Variants in SORT1 observed in about 807,000 individuals in gnomAD.
SORT1 encodes sortilin.
Under a neutral mutation model 101.7 loss-of-function variants are expected in SORT1, and 39 were observed. The observed-to-expected ratio is 0.38, with a 90% CI of 0.30 to 0.50. The LOEUF is 0.50. Among genes scored for constraint, SORT1 ranks in the 20% least tolerant of loss-of-function variants. The probability of loss-of-function intolerance (pLI) is 0.90; values close to 1 mark genes in which losing one functional copy is unlikely to be tolerated. For missense variants in SORT1, 878 were observed against 1,040.4 expected, an observed-to-expected ratio of 0.84 and a Z score of 2.15; for synonymous variants, 396 against 393.7, an observed-to-expected ratio of 1.01 and a Z score of -0.07.
At chr1:109,346,744 C>CAAA (rs1035471524) in intron 7 of SORT1, among the ~76,000 whole-genome samples, 2 of 46,730 alleles carry the variant, frequency 4.3e-5, no homozygotes, top group African/African-American at 7.2e-5. Context: ...GACTCCGTCT[C>CAAA]AAAAAAAAAA....
At chr1:109,396,305 C>T (rs1653172636) in intron 1 of SORT1, among the ~76,000 whole-genome samples, 1 of 152,068 alleles carries the variant, frequency 6.6e-6, no homozygotes, top group South Asian at 2.1e-4. Flanking sequence ...CCAGCTAGCT[C>T]AAGGAAGGAA....
In SORT1 at chr1:109,355,477, G is replaced by A. The variant is rs1366361788; in HGVS notation, c.441-8C>T. The A allele has an allele frequency of 6.2e-6, 9 of 1,457,766 alleles. No homozygotes were observed. In the African/African-American group the frequency reaches 8.4e-5, roughly 14 times the overall value. The allele number at this position is 1,457,766 out of a possible 1,614,324, so 90.3% of individuals were successfully genotyped here. On this transcript the variant is annotated splice_polypyrimidine_tract_variant and splice_region_variant and intron_variant, in intron 3 of 19. Coordinates refer to ENST00000256637, the MANE Select transcript of SORT1 (RefSeq NM_002959.7). ...TTCTTCCCATAATCCTCACTGAGAGGAAGAAAAAAAGGGCAAATTTAGGGT... is the reference window on the plus strand; with the variant it reads ...TTCTTCCCATAATCCTCACTGAGAGAAAGAAAAAAAGGGCAAATTTAGGGT...
chr1:109,355,653 C>T (rs534631739), intron 3 of SORT1, among the ~76,000 whole-genome samples, 184 bp from the exon 4 acceptor site: 1 of 139,150 alleles, frequency 7.2e-6, no homozygotes, highest in Non-Finnish European at 1.6e-5. Flanking sequence ...CCGCCCCCCC[C>T]CCCACAAACC....
At chr1:109,314,531 G>A (rs1369798741) in intron 18 of SORT1, 141 bp downstream of exon 18, 11 of 1,168,396 alleles carry the variant, frequency 9.4e-6, no homozygotes, top group South Asian at 6.1e-5. Context: ...AAAAATGTAC[G>A]ACATGAGAAG....
At chr1:109,372,169 A>G (rs1204742483) in intron 1 of SORT1, among the ~76,000 whole-genome samples, 3 of 152,256 alleles carry the variant, frequency 2.0e-5, no homozygotes, top group African/African-American at 7.2e-5. Flanking sequence ...AAGTCAGCAC[A>G]AAGCCATCAA....
At chr1:109,380,634 A>C (rs1318002606) in intron 1 of SORT1, among the ~76,000 whole-genome samples, 1 of 152,060 alleles carries the variant, frequency 6.6e-6, no homozygotes, top group African/African-American at 2.4e-5. Context: ...CAATTCATAG[A>C]AGGACAAAGA....
intron 11 of SORT1, among the ~76,000 whole-genome samples, chr1:109,332,949 G>A (rs568463954): frequency 1.3e-5 from 2 of 151,910 alleles, no homozygotes; most frequent in East Asian, 3.9e-4. Flanking sequence ...TTTTTTTTGA[G>A]ATGGAGTCTT....
In SORT1 at chr1:109,397,664, GACGCCA is replaced by G; in HGVS notation, c.223_228del (p.Trp75_Arg76del). 1 of 1,214,038 alleles carries G rather than the reference GACGCCA, an allele frequency of 8.2e-7. No homozygotes were observed. Among genetic ancestry groups the G allele is most frequent in the Non-Finnish European group, 1.0e-6 (1 of 972,986 alleles). 75.2% of individuals were successfully genotyped at this position (1,214,038 alleles called of 1,614,324 possible). ...TCCTCGTCCTCGCCCGGCGCGCTGC[GACGCCA>G]ACGGCCGCCGCGGGGAAACGCGCCC... is the stretch of plus-strand genomic sequence containing the variant. On this transcript the variant is annotated inframe_deletion, in exon 1 of 20. Transcript: ENST00000256637.
At chr1:109,332,836 G>C (rs1648550629) in intron 11 of SORT1, among the ~76,000 whole-genome samples, 1 of 152,146 alleles carries the variant, frequency 6.6e-6, no homozygotes, top group Non-Finnish European at 1.5e-5. Context: ...ACTTTGACAA[G>C]GGTGTCAAGA....
In SORT1 at chr1:109,314,376, A is replaced by C. The variant is rs1486130186; in HGVS notation, c.2366T>G (p.Val789Gly). ...CTGCTGCAGCACAGAGTATCGATGC[A>C]CCAGGAACCTGTGAACAGAAACCTC... ...KKYVCGGRFL[V>G]HRYSVLQQHA... is the part of the protein sequence containing the mutation. Residue 789 changes from valine (V) to glycine (G), a missense_variant, in exon 19 of 20, where the codon GTG (valine) becomes GGG (glycine). This residue lies in a region of SORT1 where 684 missense variants were observed against 894.5 expected (regional missense o/e 0.76). Transcript: ENST00000256637. 6.2e-7 allele frequency: 1 copy of C among 1,613,822 alleles called. No individual in the cohort carries two copies.
chr1:109,319,734 G>T (rs1281600468), intron 15 of SORT1, among the ~76,000 whole-genome samples: 1 of 152,082 alleles, frequency 6.6e-6, no homozygotes, highest in Non-Finnish European at 1.5e-5. Context: ...AGGTGCAGTG[G>T]TGTGTGCCTA....
chr1:109,340,672 C>T (rs1310906776), intron 10 of SORT1, 52 bp downstream of exon 10: 2 of 1,596,406 alleles, frequency 1.3e-6, no homozygotes, highest in African/African-American at 2.7e-5. Flanking sequence ...AGCCTCAAAT[C>T]CTACCACATG....
chr1:109,395,822 C>T (rs1267166593), intron 1 of SORT1, among the ~76,000 whole-genome samples: 3 of 152,162 alleles, frequency 2.0e-5, no homozygotes, highest in Admixed American at 2.0e-4. Flanking sequence ...CGCCTCTAAT[C>T]TCAGCACTGT....
At chr1:109,344,857 T>C (rs748560162) in intron 8 of SORT1, among the ~76,000 whole-genome samples, 1 of 151,976 alleles carries the variant, frequency 6.6e-6, no homozygotes, top group Non-Finnish European at 1.5e-5. Flanking sequence ...CCACCATGCC[T>C]GGCTAATTTT....
At chr1:109,338,802 GTCC>G (rs554508811) in intron 10 of SORT1, among the ~76,000 whole-genome samples, 134 of 152,054 alleles carry the variant, frequency 8.8e-4, no homozygotes, top group African/African-American at 3.1e-3. Context: ...CTGCTGGACT[GTCC>G]TCCTGATCCC....
At chr1:109,322,670 T>C (rs953195081) in intron 15 of SORT1, among the ~76,000 whole-genome samples, 4 of 151,982 alleles carry the variant, frequency 2.6e-5, no homozygotes, top group Admixed American at 6.6e-5. Flanking sequence ...CTTGGGATTA[T>C]AGGCGTGCGC....
intron 12 of SORT1, 94 bp downstream of exon 12, chr1:109,327,405 T>C (rs1648148116): frequency 1.2e-6 from 1 of 803,908 alleles, no homozygotes; most frequent in Non-Finnish European, 2.0e-6. Context: ...AGCATCCACA[T>C]TGTTTCTTCT....
chr1:109,322,375 G>A (rs189110403), intron 15 of SORT1, among the ~76,000 whole-genome samples: 268 of 152,064 alleles, frequency 1.8e-3, no homozygotes, highest in Middle Eastern at 3.4e-3. Context: ...TCACACCACT[G>A]TCAACTCAGG....
chr1:109,350,919 T>C lies in SORT1; in HGVS notation c.782+10A>G. 3 of 1,593,178 alleles carry C rather than the reference T, an allele frequency of 1.9e-6. No homozygotes were observed. The highest frequency in any genetic ancestry group is 2.6e-6 in the Non-Finnish European group (3 of 1,160,834). ...AGGGCTCTGCACAGATGGAGTCTTCTGTTACTCACCATTTGGCCAAACATA... is the reference window on the plus strand; with the variant it reads ...AGGGCTCTGCACAGATGGAGTCTTCCGTTACTCACCATTTGGCCAAACATA... On this transcript the variant is annotated intron_variant, in intron 6 of 19. Transcript: ENST00000256637.
Sources: gnomAD v4.1 joint callset for allele counts (sites outside exome capture counted in the v4.1 genomes callset) on GRCh38, gnomAD v4.1.1 for gene constraint, gnomAD v4.1.1 regional missense constraint, MANE v1.5 for transcripts, NCBI Gene and HGNC (gene_info 2026-07-23, HGNC 2026-07-21) for gene names.